The following ZNF839 variants were observed in gnomAD, a reference collection of about 807,000 sequenced individuals.
The protein encoded by ZNF839 is zinc finger protein 839.
In ZNF839, 38 loss-of-function variants were observed where a neutral mutation model predicts 56.4. The ratio of observed to expected loss-of-function variants is 0.67; its 90% confidence interval spans 0.52 to 0.88. The LOEUF (loss-of-function observed/expected upper bound fraction) is 0.88, where lower values mean the gene tolerates loss of function less well. ZNF839 is among the 40% of genes least tolerant of loss of function. The pLI, the probability that ZNF839 is intolerant of heterozygous loss-of-function variation, is 0.00. For synonymous variants in ZNF839, 486 were observed against 493.5 expected (o/e 0.98, Z 0.20); for missense variants, 1,091 against 1,177.6 (o/e 0.93, Z 1.08).
rs141995078 is a variant in ZNF839, at chr14:102,332,987, T to C, written c.1416+1141T>C. Among the ~76,000 whole-genome samples the C allele has an allele frequency of 1.6e-3, 245 of 152,336 alleles. No individual in the cohort carries two copies. The highest frequency in any genetic ancestry group is 0.01 in the Middle Eastern group (3 of 294). On this transcript the variant is annotated intron_variant, in intron 3 of 7. Coordinates refer to ENST00000442396, the MANE Select transcript of ZNF839 (RefSeq NM_018335.6). The surrounding 1 kb of genome is among the most constrained non-coding windows in gnomAD (Gnocchi z 4.9). ...CAGAAAATTGTGGAGTTTCCCTGTC[T>C]GCTGTTATTAAGCTCATACAGAATT... is the stretch of plus-strand genomic sequence containing the variant.
rs1416694700 is a variant in ZNF839 at position 102,341,283 on chromosome 14, A to G, written c.1928-40A>G. On this transcript the variant is annotated intron_variant, in intron 7 of 7. Transcript: ENST00000442396. ...GTGAGTGCAGTGAGTGGGCCATGACACAGTACACGCCATGTTCACCTGTTT... is the reference window on the plus strand; with the variant it reads ...GTGAGTGCAGTGAGTGGGCCATGACGCAGTACACGCCATGTTCACCTGTTT... 6 of 1,500,238 alleles carry G rather than the reference A, an allele frequency of 4.0e-6. No homozygotes were observed. The East Asian group carries it at 1.4e-4, about 34-fold the overall frequency. The allele number at this position is 1,500,238 out of a possible 1,614,324, so 92.9% of individuals were successfully genotyped here.
intron 5 of ZNF839, chr14:102,337,662 T>TCGC (rs1320918427): frequency 6.6e-6 from 1 of 152,132 alleles, no homozygotes; most frequent in African/African-American, 2.4e-5. Context: ...TTTCAGCAGC[T>TCGC]CAGACTGTGC....
intron 2 of ZNF839, among the ~76,000 whole-genome samples, chr14:102,329,789 CTTTTT>C (rs35781672): frequency 9.8e-6 from 1 of 102,108 alleles, no homozygotes; most frequent in African/African-American, 4.6e-5. Flanking sequence ...TAGAGATAAC[CTTTTT>C]TTTTTTTTTT....
At chr14:102,327,386 C>T (rs1407109690) in intron 2 of ZNF839, among the ~76,000 whole-genome samples, 1 of 152,158 alleles carries the variant, frequency 6.6e-6, no homozygotes, top group African/African-American at 2.4e-5. Flanking sequence ...GGTGATCTGC[C>T]TGCCTCAGCC....
At position 102,322,936 on chromosome 14, in the gene ZNF839, G is replaced by A. The variant is rs78268578; in HGVS notation, c.288+2883G>A. Among the ~76,000 whole-genome samples the A allele has an allele frequency of 3.4e-3, 515 of 152,282 alleles. 8 individuals are homozygous for A. Among genetic ancestry groups the A allele is most frequent in the East Asian group, 0.033 (173 of 5,186 alleles). ...TTGTTTCACAAGTAGCCCAGGAGTC[G>A]GGGACTCCCAGGGCTATGGTGCCAC... On this transcript the variant is annotated intron_variant, in intron 1 of 7. Coordinates refer to ENST00000442396, the MANE Select transcript of ZNF839 (RefSeq NM_018335.6).
At position 102,342,285 on chromosome 14, in the gene ZNF839, G is replaced by A; in HGVS notation, c.*106G>A. 4 of 1,402,618 alleles carry A rather than the reference G, an allele frequency of 2.9e-6. No individual in the cohort carries two copies. The South Asian group carries it at 4.3e-5, about 15-fold the overall frequency. The allele number at this position is 1,402,618 out of a possible 1,614,324, so 86.9% of individuals were successfully genotyped here. A position where few individuals can be genotyped will look rare whatever the true frequency, so the allele number is the denominator to read the frequency against. Reference sequence around the variant, plus strand: ...ATTCGTCTGATTTTATCCAGAGAAGGTCTATGGCAAGCAATGTATATTTTT... The same window carrying A: ...ATTCGTCTGATTTTATCCAGAGAAGATCTATGGCAAGCAATGTATATTTTT... On this transcript the variant is annotated 3_prime_UTR_variant, in exon 8 of 8. Transcript: ENST00000442396.
chr14:102,323,159 A>G (rs2073222557), intron 1 of ZNF839, among the ~76,000 whole-genome samples: 1 of 152,206 alleles, frequency 6.6e-6, no homozygotes, highest in South Asian at 2.1e-4. Flanking sequence ...GTCGTCCCAA[A>G]TAAGTGATTC....
At chr14:102,319,569 C>T, upstream of ZNF839, 1 of 610,510 alleles carries the variant, frequency 1.6e-6, no homozygotes, top group Non-Finnish European at 2.3e-6. This position sits in a 1 kb window ranked among gnomAD's most constrained non-coding sequence, Gnocchi z 4.5. Context: ...AAGGGGGGTC[C>T]GCTCTGCTGA....
upstream of ZNF839, among the ~76,000 whole-genome samples, chr14:102,318,895 C>A (rs2072980493): frequency 6.6e-6 from 1 of 152,182 alleles, no homozygotes; most frequent in African/African-American, 2.4e-5. Context: ...GTATACCCCC[C>A]AGGGCGGAAA....
intron 2 of ZNF839, among the ~76,000 whole-genome samples, chr14:102,330,530 C>T (rs909702474): frequency 4.0e-5 from 6 of 148,964 alleles, no homozygotes; most frequent in African/African-American, 7.5e-5. Context: ...CACTGCTCCC[C>T]GCTCTTTTTT....
chr14:102,340,704 T>A (rs1408662430), intron 7 of ZNF839, among the ~76,000 whole-genome samples: 1 of 152,062 alleles, frequency 6.6e-6, no homozygotes, highest in Non-Finnish European at 1.5e-5. Context: ...ATGTGAGTAT[T>A]TGGAAAGGCC....
chr14:102,337,785 T>G (rs1276018759), intron 5 of ZNF839: 1 of 152,330 alleles, frequency 6.6e-6, no homozygotes, highest in African/African-American at 2.4e-5. Context: ...TCTGCCGCCC[T>G]TCCTGCCGTG....
rs752888051 is a variant in ZNF839 at position 102,338,877 on chromosome 14, T to C, written c.1721T>C (p.Leu574Pro). The change falls in exon 6 of 8, where the codon CTT becomes CCT. Residue 574 changes from leucine (L) to proline (P), a missense_variant. Coordinates refer to ENST00000442396, the MANE Select transcript of ZNF839 (RefSeq NM_018335.6). ...LRKKEIHPDNLGPKHLSRDMD... is the reference protein window; with the variant it reads ...LRKKEIHPDNPGPKHLSRDMD... ...AAGAAAGAAATACACCCAGACAACC[T>C]TGGACCCAAGCACCTCAGCCGAGAC... The C allele has an allele frequency of 1.4e-5, 22 of 1,613,844 alleles. No individual in the cohort carries two copies. The South Asian group carries it at 2.4e-4, about 18-fold the overall frequency.
chr14:102,341,628 G>C lies in ZNF839; in HGVS notation c.2233G>C (p.Gly745Arg). 6.2e-7 allele frequency: 1 copy of C among 1,613,942 alleles called. No homozygotes were observed. The highest frequency in any genetic ancestry group is 1.1e-5 in the South Asian group (1 of 91,090). The change falls in exon 8 of 8, where the codon GGT becomes CGT. Residue 745 changes from glycine to arginine, a missense_variant. Around this residue, in one of 3 missense-constraint regions of ZNF839, gnomAD observed 431 missense variants for 468.0 expected, o/e 0.92. Coordinates refer to ENST00000442396, the MANE Select transcript of ZNF839 (RefSeq NM_018335.6). ...CACCTGGGACAGCCTGAGGAGCCCG[G>C]GTTTCTGCAGCCCTTTGTCATCTGG... is the stretch of plus-strand genomic sequence containing the variant. Reference protein sequence around the residue: ...QDTWDSLRSPGFCSPLSSGGG... With the variant: ...QDTWDSLRSPRFCSPLSSGGG...
At position 102,338,802 on chromosome 14, in the gene ZNF839, C is replaced by T. The variant is rs1886150024; in HGVS notation, c.1660-14C>T. 1.2e-6 allele frequency: 2 copies of T among 1,613,568 alleles called. No homozygotes were observed. The highest frequency in any genetic ancestry group is 1.3e-5 in the African/African-American group (1 of 74,828). ...TTTGGGTGAAGTTTATTCTCTTGGC[C>T]CATTTCTTTTCAGGTTGCTGAGTCA... is the stretch of plus-strand genomic sequence containing the variant. On this transcript the variant is annotated splice_polypyrimidine_tract_variant and intron_variant, in intron 5 of 7. Transcript: ENST00000442396.
chr14:102,342,240 G>T lies in ZNF839; in HGVS notation c.*61G>T. 16 of 1,535,504 alleles carry T rather than the reference G, an allele frequency of 1.0e-5. No homozygotes were observed. The highest frequency in any genetic ancestry group is 1.3e-5 in the Non-Finnish European group (15 of 1,141,672). On this transcript the variant is annotated 3_prime_UTR_variant, in exon 8 of 8. Transcript: ENST00000442396. ...ACCGTGGAGCCAGAGCCCTCACAGT[G>T]AAGTGGAGTCAGATCCTAGATTCGT...
At position 102,341,517 on chromosome 14, in the gene ZNF839, C is replaced by A; in HGVS notation, c.2122C>A (p.Gln708Lys). The part of the protein sequence containing the change: ...RDVSGLPVYA[Q>K]SGEPRRLTQA... The stretch of plus-strand genomic sequence containing the variant: ...TGTCAGTGGGCTGCCTGTTTATGCT[C>A]AGTCAGGAGAGCCTAGGAGGCTGAC... The change falls in exon 8 of 8, where the codon CAG becomes AAG. Residue 708 changes from glutamine (Q) to lysine (K), a missense_variant. Gln to Lys is a moderately conservative substitution (Grantham distance 53). This residue lies in a region of ZNF839 where 431 missense variants were observed against 468.0 expected (regional missense o/e 0.92). Transcript: ENST00000442396. 3 of 1,604,600 alleles carry A rather than the reference C, an allele frequency of 1.9e-6. No homozygotes were observed. The highest frequency in any genetic ancestry group is 2.6e-6 in the Non-Finnish European group (3 of 1,174,418).
chr14:102,338,764 G>T, intron 5 of ZNF839, 52 bp from the exon 6 acceptor site: 1 of 1,608,014 alleles, frequency 6.2e-7, no homozygotes, highest in Non-Finnish European at 8.5e-7. Context: ...TGTGCTTCTG[G>T]GGGTGTGTGC....
At chr14:102,339,308 T>A in intron 7 of ZNF839, 85 bp downstream of exon 7, 1 of 1,512,186 alleles carries the variant, frequency 6.6e-7, no homozygotes, top group Non-Finnish European at 8.9e-7. Context: ...ATTGCCATTT[T>A]TCAGGTTGGG....
Sources: allele counts gnomAD v4.1 joint callset (sites outside exome capture counted in the v4.1 genomes callset), GRCh38; gene constraint gnomAD v4.1.1; regional missense constraint gnomAD v4.1.1; non-coding constraint Gnocchi (gnomAD v3.1); transcripts MANE v1.5; gene names NCBI Gene and HGNC (gene_info 2026-07-23, HGNC 2026-07-21).